Variants in UTRN observed in about 807,000 individuals in gnomAD.
UTRN encodes the protein dystrophin-related protein 1.
UTRN carries 283 observed loss-of-function variants against 463.9 expected under a neutral mutation model. The ratio of observed to expected loss-of-function variants is 0.61; its 90% CI spans 0.55 to 0.67. UTRN has a LOEUF of 0.67. Among genes scored for constraint, UTRN ranks in the 30% least tolerant of loss-of-function variants. The pLI, the probability that UTRN is intolerant of heterozygous loss-of-function variation, is 0.00. For synonymous variants in UTRN, 1,442 were observed against 1,431.5 expected (o/e 1.01, Z -0.17); for missense variants, 3,922 against 4,084.3 (o/e 0.96, Z 1.08).
At chr6:144,605,025 A>G (rs1804690673) in intron 51 of UTRN, among the ~76,000 whole-genome samples, 1 of 152,174 alleles carries the variant, frequency 6.6e-6, no homozygotes, top group Admixed American at 6.6e-5. Context: ...TTCTCACGAT[A>G]TATCGTTGGC....
At chr6:144,358,177 A>G (rs940815121) in intron 2 of UTRN, among the ~76,000 whole-genome samples, 2 of 152,268 alleles carry the variant, frequency 1.3e-5, no homozygotes, top group African/African-American at 2.4e-5. Context: ...AATGTTGCTC[A>G]TAGTAACAGC....
At chr6:144,415,724 A>G (rs542855383) in intron 3 of UTRN, among the ~76,000 whole-genome samples, 2 of 152,306 alleles carry the variant, frequency 1.3e-5, no homozygotes, top group South Asian at 4.1e-4. Flanking sequence ...AATTGACACA[A>G]TGTGGTCTGC....
chr6:144,436,214 T>C, intron 10 of UTRN, 76 bp downstream of exon 10: 1 of 1,383,410 alleles, frequency 7.2e-7, no homozygotes, highest in Non-Finnish European at 9.9e-7. Context: ...TACTCTCCTA[T>C]TTGTTATCTA....
chr6:144,335,221 G>C (rs1437686413), intron 2 of UTRN, among the ~76,000 whole-genome samples: 1 of 152,208 alleles, frequency 6.6e-6, no homozygotes, highest in Non-Finnish European at 1.5e-5. Context: ...GCACATAAGT[G>C]GTCCTGACTT....
chr6:144,590,366 T>C (rs1802906343), intron 51 of UTRN, among the ~76,000 whole-genome samples: 1 of 152,156 alleles, frequency 6.6e-6, no homozygotes, highest in Admixed American at 6.5e-5. Flanking sequence ...CTTAATTTGG[T>C]TTGATTCTTA....
intron 52 of UTRN, among the ~76,000 whole-genome samples, chr6:144,683,873 G>A (rs910114795): frequency 6.6e-6 from 1 of 151,904 alleles, no homozygotes; most frequent in Non-Finnish European, 1.5e-5. Context: ...GGGATAAGAG[G>A]GACAATTGCC....
intron 33 of UTRN, among the ~76,000 whole-genome samples, chr6:144,496,403 T>C (rs946501277): frequency 6.6e-6 from 1 of 152,236 alleles, no homozygotes; most frequent in Admixed American, 6.5e-5. Flanking sequence ...GTATTACATG[T>C]CTGGAACACA....
intron 48 of UTRN, 109 bp downstream of exon 48, chr6:144,551,191 C>G (rs1798883457): frequency 1.0e-5 from 7 of 679,234 alleles, no homozygotes; most frequent in Non-Finnish European, 1.4e-5. Context: ...AAAGATTATT[C>G]AACTAGAAAG....
At chr6:144,644,879 A>G (rs1045958695) in intron 51 of UTRN, among the ~76,000 whole-genome samples, 8 of 152,218 alleles carry the variant, frequency 5.3e-5, no homozygotes, top group African/African-American at 1.2e-4. Context: ...CCTCAGAACC[A>G]TAGTATTCCA....
At chr6:144,415,683 G>A (rs1023425541) in intron 3 of UTRN, among the ~76,000 whole-genome samples, 1 of 152,198 alleles carries the variant, frequency 6.6e-6, no homozygotes, top group Non-Finnish European at 1.5e-5. Context: ...GGATTTGCCT[G>A]TAATGGATGC....
At chr6:144,433,274 G>A (rs1488771449) in intron 9 of UTRN, among the ~76,000 whole-genome samples, 4 of 151,158 alleles carry the variant, frequency 2.6e-5, no homozygotes, top group African/African-American at 4.9e-5. Flanking sequence ...AGGCAGAGGC[G>A]CCCCTCACCT....
chr6:144,629,954 A>G (rs1260815237), intron 51 of UTRN, among the ~76,000 whole-genome samples: 1 of 152,068 alleles, frequency 6.6e-6, no homozygotes, highest in Non-Finnish European at 1.5e-5. Context: ...GGGAGGCTGA[A>G]GCAGGCGGAT....
intron 53 of UTRN, among the ~76,000 whole-genome samples, chr6:144,715,536 G>GAC (rs966682945): frequency 6.6e-6 from 1 of 152,006 alleles, no homozygotes; most frequent in African/African-American, 2.4e-5. Flanking sequence ...TTTTTTCTCT[G>GAC]ACACACTGGT....
chr6:144,431,970 A>G (rs1198491840), intron 9 of UTRN, among the ~76,000 whole-genome samples: 1 of 152,044 alleles, frequency 6.6e-6, no homozygotes, highest in Admixed American at 6.5e-5. Context: ...TGCAGCCTTC[A>G]TACTCATTTT....
rs116608682 is a variant in UTRN at position 144,531,091 on chromosome 6, T to C, written c.5946T>C (p.His1982=). The part of the protein sequence containing the change: ...DRAMEEWRQF[H]CDLNDLTQWI... ...CAATGGAAGAATGGAGACAGTTCCA[T>C]TGTGACCTTAATGACCTCACACAGT... is the stretch of plus-strand genomic sequence containing the variant. Residue 1982 remains histidine (H), a synonymous_variant, in exon 42 of 75, where the codon CAT becomes CAC. Coordinates refer to ENST00000367545, the MANE Select transcript of UTRN (RefSeq NM_007124.3). 165 of 1,614,078 alleles carry C rather than the reference T, an allele frequency of 1.0e-4. No homozygotes were observed. Among genetic ancestry groups the C allele is most frequent in the African/African-American group, 9.9e-4 (74 of 75,054 alleles).
At chr6:144,452,045 T>G (rs1194468884) in intron 18 of UTRN, among the ~76,000 whole-genome samples, 3 of 152,348 alleles carry the variant, frequency 2.0e-5, no homozygotes, top group South Asian at 4.1e-4. Context: ...TCCTACACAT[T>G]ACTGCATTAA....
At chr6:144,779,604 T>C (rs960834921) in intron 60 of UTRN, among the ~76,000 whole-genome samples, 30 of 152,126 alleles carry the variant, frequency 2.0e-4, no homozygotes, top group African/African-American at 5.8e-4. Context: ...GAGCAGTTGG[T>C]GTTGCTGTCT....
chr6:144,665,760 T>A (rs1562731063), intron 51 of UTRN, among the ~76,000 whole-genome samples: 1 of 152,252 alleles, frequency 6.6e-6, no homozygotes, highest in Non-Finnish European at 1.5e-5. Context: ...ATGCTTTTGA[T>A]GGTGTTTTAT....
chr6:144,700,358 C>T (rs890625219), intron 53 of UTRN, 115 bp downstream of exon 53: 42 of 1,191,752 alleles, frequency 3.5e-5, no homozygotes, highest in Non-Finnish European at 4.4e-5. Context: ...ATTCCCCCCC[C>T]CACCACCGTC....
Sources: allele counts gnomAD v4.1 joint callset (sites outside exome capture counted in the v4.1 genomes callset), GRCh38; gene constraint gnomAD v4.1.1; transcripts MANE v1.5; gene names NCBI Gene and HGNC (gene_info 2026-07-23, HGNC 2026-07-21).